ARHGEF26: variants seen among roughly 807,000 people sequenced by gnomAD.
ARHGEF26 encodes Rho guanine nucleotide exchange factor 26, also known as Rho guanine nucleotide exchange factor (GEF) 26.
A neutral mutation model predicts 89.4 loss-of-function variants in ARHGEF26; 59 were observed. The observed-to-expected ratio is 0.66, with a 90% CI of 0.54 to 0.82. The LOEUF (loss-of-function observed/expected upper bound fraction) is 0.82, where lower values mean the gene tolerates loss of function less well. Ranked by LOEUF, ARHGEF26 falls within the 40% of genes least tolerant of loss-of-function variation. The pLI is 0.00. For synonymous variants in ARHGEF26, 500 were observed against 428.4 expected, an observed-to-expected ratio of 1.17 and a Z score of -2.06; for missense variants, 1,234 against 1,085.6, an observed-to-expected ratio of 1.14 and a Z score of -1.92.
At chr3:154,129,931 T>G (rs1718578778) in intron 4 of ARHGEF26, among the ~76,000 whole-genome samples, 1 of 152,168 alleles carries the variant, frequency 6.6e-6, no homozygotes, top group African/African-American at 2.4e-5. Flanking sequence ...TTTGATAAAA[T>G]AAAGTGCTAT....
intron 6 of ARHGEF26, among the ~76,000 whole-genome samples, chr3:154,183,587 TG>T (rs1418507820): frequency 3.3e-5 from 5 of 152,212 alleles, no homozygotes; most frequent in African/African-American, 1.2e-4. Flanking sequence ...TTGATCTTTT[TG>T]TAGCTAACTC....
chr3:154,237,976 T>C (rs1039347765), intron 11 of ARHGEF26, among the ~76,000 whole-genome samples: 1 of 152,182 alleles, frequency 6.6e-6, no homozygotes, highest in Non-Finnish European at 1.5e-5. Flanking sequence ...TTCTCTTGTT[T>C]TTGATGCTGT....
At chr3:154,191,636 T>C (rs998157945) in intron 8 of ARHGEF26, among the ~76,000 whole-genome samples, 1 of 152,186 alleles carries the variant, frequency 6.6e-6, no homozygotes, top group African/African-American at 2.4e-5. Context: ...TCTGAAGAAA[T>C]TGGATCTCAT....
chr3:154,193,016 A>G (rs1043462564), intron 8 of ARHGEF26, among the ~76,000 whole-genome samples: 3 of 151,854 alleles, frequency 2.0e-5, no homozygotes, highest in Non-Finnish European at 4.4e-5. Context: ...TCATGCCATG[A>G]TTGCTCAGTA....
intron 7 of ARHGEF26, among the ~76,000 whole-genome samples, chr3:154,190,489 T>G (rs992778358): frequency 2.0e-5 from 3 of 152,080 alleles, no homozygotes; most frequent in African/African-American, 7.2e-5. Context: ...GCCTAGGTGA[T>G]AGAGCAAGAC....
At chr3:154,164,312 G>C (rs1378755583) in intron 6 of ARHGEF26, among the ~76,000 whole-genome samples, 2 of 151,960 alleles carry the variant, frequency 1.3e-5, no homozygotes, top group Admixed American at 1.3e-4. Context: ...TATTAATTCA[G>C]TATATTATTA....
intron 6 of ARHGEF26, among the ~76,000 whole-genome samples, chr3:154,175,033 G>T (rs1233013234): frequency 6.6e-6 from 1 of 152,026 alleles, no homozygotes; most frequent in Non-Finnish European, 1.5e-5. Context: ...ACTGTGAATG[G>T]GTCTCCTGTA....
intron 5 of ARHGEF26, among the ~76,000 whole-genome samples, chr3:154,151,213 C>T (rs1719996764): frequency 6.6e-6 from 1 of 152,168 alleles, no homozygotes; most frequent in Non-Finnish European, 1.5e-5. Flanking sequence ...AGACAAAAGC[C>T]AAATGCATGA....
In ARHGEF26 at chr3:154,253,183, T is replaced by TGTAA. The variant is rs1718268577; in HGVS notation, c.2368+3_2368+6dup. 3 of 1,614,006 alleles carry TGTAA rather than the reference T, an allele frequency of 1.9e-6. No individual in the cohort carries two copies. Among genetic ancestry groups the TGTAA allele is most frequent in the Non-Finnish European group, 1.7e-6 (2 of 1,179,866 alleles). On this transcript the variant is annotated frameshift_variant and splice_region_variant. Transcript: ENST00000465093. LOFTEE classifies it high-confidence loss of function. Reference sequence around the variant, plus strand: ...CGGGAAGCCGCCTGCAGACCGAACCTGTAAGTTCTCTCAAGGGGAAGCCCA... The same window carrying TGTAA: ...CGGGAAGCCGCCTGCAGACCGAACCTGTAAGTAAGTTCTCTCAAGGGGAAGCCCA...
At chr3:154,229,145 G>A (rs1374355560) in intron 11 of ARHGEF26, among the ~76,000 whole-genome samples, 1 of 152,166 alleles carries the variant, frequency 6.6e-6, no homozygotes, top group African/African-American at 2.4e-5. Flanking sequence ...CCATGACACT[G>A]TCTTTGTGAC....
In ARHGEF26 at chr3:154,191,397, C is replaced by T. The variant is rs375417713; in HGVS notation, c.1749C>T (p.Thr583=). 2 of 1,613,704 alleles carry T rather than the reference C, an allele frequency of 1.2e-6. No individual in the cohort carries two copies. The highest frequency in any genetic ancestry group is 1.7e-6 in the Non-Finnish European group (2 of 1,179,780). The change falls in exon 8 of 15, where the codon ACC becomes ACT. Residue 583 remains threonine, a synonymous_variant. Coordinates refer to ENST00000465093, the MANE Select transcript of ARHGEF26 (RefSeq NM_015595.4). ...SFLILPMQRV[T]RLPLLMDTIC... Reference sequence around the variant, plus strand: ...TCATTCTCCCCATGCAGAGGGTGACCCGCCTTCCCCTGCTGATGGATGTAA... The same window carrying T: ...TCATTCTCCCCATGCAGAGGGTGACTCGCCTTCCCCTGCTGATGGATGTAA...
At chr3:154,128,070 C>T (rs1718446316) in intron 3 of ARHGEF26, among the ~76,000 whole-genome samples, 1 of 152,166 alleles carries the variant, frequency 6.6e-6, no homozygotes, top group African/African-American at 2.4e-5. Context: ...ACCCTACTGA[C>T]AGTCTGTTCT....
chr3:154,129,539 A>G, intron 3 of ARHGEF26, 35 bp from the exon 4 acceptor site: 1 of 1,597,136 alleles, frequency 6.3e-7, no homozygotes, highest in Non-Finnish European at 8.5e-7. Flanking sequence ...ATGATTGAGA[A>G]CAATTAGTGA....
chr3:154,164,738 G>C (rs1240872068), intron 6 of ARHGEF26, among the ~76,000 whole-genome samples: 1 of 152,128 alleles, frequency 6.6e-6, no homozygotes, highest in Non-Finnish European at 1.5e-5. Context: ...CTGTGATGTA[G>C]CTTCTACTTC....
intron 9 of ARHGEF26, among the ~76,000 whole-genome samples, chr3:154,196,194 T>C (rs1714282111): frequency 6.6e-6 from 1 of 152,100 alleles, no homozygotes; most frequent in African/African-American, 2.4e-5. Flanking sequence ...GCTAACTGTC[T>C]AAATTCAGGG....
At chr3:154,135,950 G>A (rs1338779180) in intron 4 of ARHGEF26, among the ~76,000 whole-genome samples, 2 of 152,162 alleles carry the variant, frequency 1.3e-5, no homozygotes, top group African/African-American at 4.8e-5. Context: ...GTTCGGTGAT[G>A]GAACCAAAAC....
Position 154,122,767 on chromosome 3 carries a change from A to G in ARHGEF26, c.775A>G (p.Ile259Val). Residue 259 changes from isoleucine (I) to valine (V), a missense_variant, in exon 2 of 15, where the codon ATT becomes GTT. Coordinates refer to ENST00000465093, the MANE Select transcript of ARHGEF26 (RefSeq NM_015595.4). ...QIIPKSLASE[I>V]KISKSNNQNV... is the part of the protein sequence containing the mutation. The stretch of plus-strand genomic sequence containing the variant: ...CATTCCGAAGAGTCTGGCCTCGGAA[A>G]TTAAAATAAGTAAATCCAACAATCA... The G allele has an allele frequency of 6.2e-7, 1 of 1,611,260 alleles. No homozygotes were observed. Among genetic ancestry groups the G allele is most frequent in the Non-Finnish European group, 8.5e-7 (1 of 1,178,634 alleles).
chr3:154,168,541 C>T (rs1007383685), intron 6 of ARHGEF26, among the ~76,000 whole-genome samples: 11 of 152,144 alleles, frequency 7.2e-5, no homozygotes, highest in Non-Finnish European at 1.6e-4. Context: ...CACTCCACTG[C>T]ACTCCATCCT....
At chr3:154,126,869 C>T (rs977918697) in intron 3 of ARHGEF26, among the ~76,000 whole-genome samples, 4 of 152,076 alleles carry the variant, frequency 2.6e-5, no homozygotes, top group African/African-American at 4.8e-5. Flanking sequence ...TATCACAGAG[C>T]GTACTTAAAC....
Sources: gnomAD v4.1 joint callset for allele counts (sites outside exome capture counted in the v4.1 genomes callset) on GRCh38, gnomAD v4.1.1 for gene constraint, MANE v1.5 for transcripts, NCBI Gene and HGNC (gene_info 2026-07-23, HGNC 2026-07-21) for gene names.